ERBB4: variants seen among roughly 807,000 people sequenced by gnomAD.
ERBB4 encodes receptor tyrosine-protein kinase erbB-4.
Under a neutral mutation model 158.0 loss-of-function variants are expected in ERBB4, and 42 were observed. The observed-to-expected ratio is 0.27, with a 90% CI of 0.21 to 0.34. The LOEUF is 0.34. Among genes scored for constraint, ERBB4 ranks in the 10% least tolerant of loss-of-function variants. The pLI is 1.00. For missense variants in ERBB4, 1,333 were observed against 1,624.1 expected (o/e 0.82, Z 3.08); for synonymous variants, 583 against 558.7 (o/e 1.04, Z -0.61).
chr2:212,349,287 TCACACACACACACACACACA>T lies in ERBB4; in HGVS notation c.82+189142_82+189161del, dbSNP rs3040350. Among the ~76,000 whole-genome samples, 12 of 146,470 alleles carry T rather than the reference TCACACACACACACACACACA, an allele frequency of 8.2e-5. No individual in the cohort carries two copies. In the South Asian group the frequency reaches 2.7e-3, roughly 33 times the overall value. ...TAAAACTAAGAGTTCAACTTCTTAA[TCACACACACACACACACACA>T]CACACACACACACACCCTTCAAGTG... On this transcript the variant is annotated intron_variant, in intron 1 of 27. Transcript: ENST00000342788.
intron 3 of ERBB4, among the ~76,000 whole-genome samples, chr2:211,798,072 T>C (rs1016236685): frequency 6.6e-6 from 1 of 151,994 alleles, no homozygotes; most frequent in African/African-American, 2.4e-5. Context: ...TGTACATCTG[T>C]ATCAAGCAGC....
chr2:211,790,763 G>A (rs183226412), intron 3 of ERBB4, among the ~76,000 whole-genome samples: 17 of 151,994 alleles, frequency 1.1e-4, no homozygotes, highest in Non-Finnish European at 2.1e-4. Flanking sequence ...ATGATGGGTA[G>A]TTTATTTATG....
intron 3 of ERBB4, among the ~76,000 whole-genome samples, chr2:211,850,148 T>G (rs2077683921): frequency 6.6e-6 from 1 of 151,910 alleles, no homozygotes; most frequent in Admixed American, 6.6e-5. Context: ...TTGTTTCCAT[T>G]TAAGCTATGG....
At chr2:211,736,971 C>T (rs186733106) in intron 5 of ERBB4, among the ~76,000 whole-genome samples, 1 of 152,130 alleles carries the variant, frequency 6.6e-6, no homozygotes, top group Non-Finnish European at 1.5e-5. Context: ...AAGTCCTCAA[C>T]ATTTACCAAA....
Position 212,003,169 on chromosome 2 carries a change from GA to G in ERBB4, c.235-55554del, listed in dbSNP as rs1440775877. On this transcript the variant is annotated intron_variant, in intron 2 of 27. Transcript: ENST00000342788. Reference sequence around the variant, plus strand: ...GGAAGGAAAGAAAGAAAGAAAGAAAGAAAGAAAGAAAGAAAGAAAGAAAGAA... The same window carrying G: ...GGAAGGAAAGAAAGAAAGAAAGAAAGAAGAAAGAAAGAAAGAAAGAAAGAA... Among the ~76,000 whole-genome samples, 38 of 28,712 alleles carry G rather than the reference GA, an allele frequency of 1.3e-3. 1 individual carries two copies. The highest frequency in any genetic ancestry group is 3.3e-3 in the Non-Finnish European group (26 of 7,818). The allele number at this position is 28,712 out of a possible 152,430, so 18.8% of individuals were successfully genotyped here. A position where few individuals can be genotyped will look rare whatever the true frequency, so the allele number is the denominator to read the frequency against.
chr2:212,064,462 A>G (rs994763028), intron 2 of ERBB4, among the ~76,000 whole-genome samples: 1 of 152,132 alleles, frequency 6.6e-6, no homozygotes, highest in Non-Finnish European at 1.5e-5. Flanking sequence ...TGAAGAATTT[A>G]GAGATTAAAA....
intron 1 of ERBB4, among the ~76,000 whole-genome samples, chr2:212,130,710 ATAAT>A (rs1403741134): frequency 6.6e-6 from 1 of 152,160 alleles, no homozygotes; most frequent in African/African-American, 2.4e-5. Context: ...TAAGAAATGA[ATAAT>A]TATTTATTTG....
chr2:212,114,143 A>T (rs1467930074), intron 2 of ERBB4, among the ~76,000 whole-genome samples: 1 of 152,192 alleles, frequency 6.6e-6, no homozygotes, highest in Non-Finnish European at 1.5e-5. Context: ...CAGAATTTAC[A>T]AATACTTAAA....
chr2:211,991,390 G>T (rs1342303574), intron 2 of ERBB4, among the ~76,000 whole-genome samples: 1 of 151,988 alleles, frequency 6.6e-6, no homozygotes, highest in Non-Finnish European at 1.5e-5. Context: ...TAAATATGAT[G>T]AGGGACCTAC....
chr2:212,188,188 C>G (rs898654527), intron 1 of ERBB4, among the ~76,000 whole-genome samples: 4 of 11,666 alleles, frequency 3.4e-4, no homozygotes, highest in Admixed American at 9.9e-4. Flanking sequence ...CTTCAGGTCT[C>G]TCTCTCTCTC....
At chr2:211,885,356 G>C (rs898974795) in intron 3 of ERBB4, among the ~76,000 whole-genome samples, 1 of 151,922 alleles carries the variant, frequency 6.6e-6, no homozygotes, top group Non-Finnish European at 1.5e-5. Flanking sequence ...TATAGTGATA[G>C]TAAAGAAAAT....
intron 19 of ERBB4, among the ~76,000 whole-genome samples, chr2:211,577,705 A>G (rs2067933363): frequency 6.6e-6 from 1 of 152,172 alleles, no homozygotes; most frequent in Admixed American, 6.6e-5. Flanking sequence ...ATCTAAAGAC[A>G]AAAACCATAT....
chr2:211,957,816 A>G (rs1436853138), intron 2 of ERBB4, among the ~76,000 whole-genome samples: 1 of 152,084 alleles, frequency 6.6e-6, no homozygotes, highest in Non-Finnish European at 1.5e-5. Context: ...AGATGAGAAA[A>G]CTGCTTGCTA....
chr2:212,117,687 T>A (rs917725639), intron 2 of ERBB4, among the ~76,000 whole-genome samples: 1 of 152,196 alleles, frequency 6.6e-6, no homozygotes, highest in Non-Finnish European at 1.5e-5. Context: ...ATGTTGCACT[T>A]AAATCATCTT....
chr2:211,636,294 C>T (rs2070359110), intron 16 of ERBB4, among the ~76,000 whole-genome samples: 1 of 151,904 alleles, frequency 6.6e-6, no homozygotes, highest in Non-Finnish European at 1.5e-5. Context: ...CTTATTGTGG[C>T]AGAAAGATGC....
intron 3 of ERBB4, among the ~76,000 whole-genome samples, chr2:211,838,250 T>C (rs1280527574): frequency 6.6e-6 from 1 of 151,900 alleles, no homozygotes; most frequent in Non-Finnish European, 1.5e-5. Context: ...GTCAGCGGGG[T>C]GGGGGATGGT....
intron 1 of ERBB4, among the ~76,000 whole-genome samples, chr2:212,433,224 CACTA>C (rs1375265240): frequency 6.6e-6 from 1 of 151,956 alleles, no homozygotes; most frequent in Non-Finnish European, 1.5e-5. Context: ...TAAAAACTTC[CACTA>C]ACTGACATTT....
At chr2:211,666,038 T>C (rs2071616878) in intron 14 of ERBB4, among the ~76,000 whole-genome samples, 2 of 152,226 alleles carry the variant, frequency 1.3e-5, no homozygotes, top group South Asian at 4.1e-4. Flanking sequence ...TAAACTTTCC[T>C]TTGGTTGTAC....
chr2:211,996,153 C>T (rs1171738550), intron 2 of ERBB4, among the ~76,000 whole-genome samples: 1 of 152,050 alleles, frequency 6.6e-6, no homozygotes, highest in South Asian at 2.1e-4. Flanking sequence ...TATTTCTTCT[C>T]AATATTCTAA....
Sources: gnomAD v4.1 joint callset for allele counts (sites outside exome capture counted in the v4.1 genomes callset) on GRCh38, gnomAD v4.1.1 for gene constraint, MANE v1.5 for transcripts, NCBI Gene and HGNC (gene_info 2026-07-23, HGNC 2026-07-21) for gene names.